Variants in XPR1 observed in about 807,000 individuals in gnomAD.
XPR1 encodes xenotropic and polytropic retrovirus receptor 1.
In XPR1, 28 loss-of-function variants were observed where a neutral mutation model predicts 87.5. That is an observed-to-expected ratio of 0.32 (90% confidence interval 0.24 to 0.44). XPR1 has a LOEUF of 0.44. XPR1 is among the 20% of genes least tolerant of loss of function. The probability of loss-of-function intolerance (pLI) is 1.00; values close to 1 mark genes in which losing one functional copy is unlikely to be tolerated. For synonymous variants in XPR1, 300 were observed against 306.1 expected, an observed-to-expected ratio of 0.98 and a Z score of 0.21; for missense variants, 559 against 862.3, an observed-to-expected ratio of 0.65 and a Z score of 4.41.
intron 1 of XPR1, among the ~76,000 whole-genome samples, chr1:180,665,265 T>C (rs757596383): frequency 1.3e-5 from 2 of 152,086 alleles, no homozygotes; most frequent in Non-Finnish European, 2.9e-5. Flanking sequence ...AAGAACAGCA[T>C]GGGGAAAACC....
chr1:180,705,308 G>C (rs1244525334), intron 2 of XPR1, among the ~76,000 whole-genome samples: 2 of 152,160 alleles, frequency 1.3e-5, no homozygotes, highest in Non-Finnish European at 2.9e-5. Context: ...TGTGTTTACT[G>C]TAAGAGGTGC....
rs1410048455 is a variant in XPR1 at position 180,723,901 on chromosome 1, T to TATATGACC, written c.121+41493_121+41500dup. ...TGAAAACCTTTCTTTTTGGATGTTG[T>TATATGACC]ATATGACCATTAGTGCTTTTCAGTC... On this transcript the variant is annotated intron_variant, in intron 2 of 14. Transcript: ENST00000367590. Among the ~76,000 whole-genome samples, 3 of 152,354 alleles carry TATATGACC rather than the reference T, an allele frequency of 2.0e-5. No individual in the cohort carries two copies. The East Asian group carries it at 5.8e-4, about 29-fold the overall frequency.
intron 2 of XPR1, among the ~76,000 whole-genome samples, chr1:180,752,848 T>TA: frequency 6.6e-6 from 1 of 152,314 alleles, no homozygotes; most frequent in Non-Finnish European, 1.5e-5. Flanking sequence ...CTCAAAATAA[T>TA]AAAGGTCAGG....
intron 2 of XPR1, among the ~76,000 whole-genome samples, chr1:180,697,216 C>A (rs1432755611): frequency 2.0e-5 from 3 of 151,962 alleles, no homozygotes; most frequent in African/African-American, 7.2e-5. Context: ...GTAGGTTGTT[C>A]AGGAACTTAA....
intron 1 of XPR1, among the ~76,000 whole-genome samples, chr1:180,661,777 C>T (rs192622466): frequency 1.2e-3 from 181 of 151,918 alleles, no homozygotes; most frequent in African/African-American, 4.1e-3. Flanking sequence ...CAGGAGGCTG[C>T]GGCAGGAGAA....
At chr1:180,691,326 G>A (rs914595588) in intron 2 of XPR1, among the ~76,000 whole-genome samples, 7 of 152,054 alleles carry the variant, frequency 4.6e-5, no homozygotes, top group Non-Finnish European at 8.8e-5. Context: ...AGGATTTTTT[G>A]ATATATATCT....
intron 2 of XPR1, among the ~76,000 whole-genome samples, chr1:180,685,495 C>G (rs1209299874): frequency 6.6e-6 from 1 of 152,080 alleles, no homozygotes; most frequent in Non-Finnish European, 1.5e-5. Flanking sequence ...ATGATGCTGG[C>G]CTCATAAAAT....
At chr1:180,754,409 G>A (rs1331094820) in intron 2 of XPR1, among the ~76,000 whole-genome samples, 1 of 152,044 alleles carries the variant, frequency 6.6e-6, no homozygotes, top group East Asian at 1.9e-4. Context: ...AATACAGAAT[G>A]ATATGAAACC....
intron 3 of XPR1, among the ~76,000 whole-genome samples, chr1:180,789,520 T>A (rs533513590): frequency 1.9e-4 from 29 of 152,300 alleles, no homozygotes; most frequent in Admixed American, 6.5e-4. Context: ...GTTTCTTGAC[T>A]CTCCCATTTT....
rs1409152802 is a variant in XPR1 at position 180,778,005 on chromosome 1, A to G, written c.122-9748A>G. 3.3e-5 allele frequency among the ~76,000 whole-genome samples: 5 copies of G among 152,178 alleles called. No individual in the cohort carries two copies. In the East Asian group the frequency reaches 9.6e-4, roughly 29 times the overall value. Reference sequence around the variant, plus strand: ...TTTTATTTTAATTTTATTTTTTGAGACAGGGTCTTAGTCTGTCACTCAGGC... The same window carrying G: ...TTTTATTTTAATTTTATTTTTTGAGGCAGGGTCTTAGTCTGTCACTCAGGC... On this transcript the variant is annotated intron_variant, in intron 2 of 14. Transcript: ENST00000367590.
At chr1:180,752,883 A>G (rs577105191) in intron 2 of XPR1, among the ~76,000 whole-genome samples, 23 of 152,360 alleles carry the variant, frequency 1.5e-4, no homozygotes, top group Non-Finnish European at 2.6e-4. Context: ...TTTAGATAAT[A>G]GAATTTAAAA....
rs73034840 is a variant in XPR1, at chr1:180,715,219, T to C, written c.121+32808T>C. Among the ~76,000 whole-genome samples, 1,147 of 152,282 alleles carry C rather than the reference T, an allele frequency of 7.5e-3. 27 individuals are homozygous for C. Among genetic ancestry groups the C allele is most frequent in the African/African-American group, 0.025 (1,053 of 41,548 alleles). ...TTAATGTAAATAAAGTGTTCAGAAATAAGGAAGGTAATTATCTCACACTTC... is the reference window on the plus strand; with the variant it reads ...TTAATGTAAATAAAGTGTTCAGAAACAAGGAAGGTAATTATCTCACACTTC... On this transcript the variant is annotated intron_variant, in intron 2 of 14. Transcript: ENST00000367590.
intron 1 of XPR1, among the ~76,000 whole-genome samples, chr1:180,680,366 T>TTA (rs1457263103): frequency 7.4e-6 from 1 of 135,080 alleles, no homozygotes; most frequent in East Asian, 2.2e-4. Context: ...CCTTTTTTTT[T>TTA]TTTTTTTTTT....
At chr1:180,717,167 A>G (rs1658024219) in intron 2 of XPR1, among the ~76,000 whole-genome samples, 1 of 151,916 alleles carries the variant, frequency 6.6e-6, no homozygotes, top group Non-Finnish European at 1.5e-5. Flanking sequence ...TAATTTTTGT[A>G]TTTTTAGTAG....
At chr1:180,654,055 A>G (rs998860256) in intron 1 of XPR1, among the ~76,000 whole-genome samples, 1 of 152,198 alleles carries the variant, frequency 6.6e-6, no homozygotes, top group African/African-American at 2.4e-5. Flanking sequence ...CCAGTGGTAA[A>G]ATGGGAATTG....
intron 11 of XPR1, among the ~76,000 whole-genome samples, chr1:180,858,847 A>G (rs574665348): frequency 2.9e-4 from 44 of 152,330 alleles, no homozygotes; most frequent in African/African-American, 9.1e-4. Context: ...ACATGTAACT[A>G]AAACACACTA....
chr1:180,775,269 C>T (rs1172390091), intron 2 of XPR1, among the ~76,000 whole-genome samples: 1 of 152,042 alleles, frequency 6.6e-6, no homozygotes, highest in Non-Finnish European at 1.5e-5. Flanking sequence ...CATTGTTTTA[C>T]TCATCTTTGC....
chr1:180,880,440 G>A lies in XPR1; in HGVS notation c.2030+143G>A, dbSNP rs1353281900. 4 of 832,068 alleles carry A rather than the reference G, an allele frequency of 4.8e-6. No homozygotes were observed. In the African/African-American group the frequency reaches 6.8e-5, roughly 14 times the overall value. The allele number at this position is 832,068 out of a possible 1,614,324, so 51.5% of individuals were successfully genotyped here. ...TTCACCTACAAAAAAACAGTAATAAGCAGCAATTCCATATGATACAACCTA... is the reference window on the plus strand; with the variant it reads ...TTCACCTACAAAAAAACAGTAATAAACAGCAATTCCATATGATACAACCTA... On this transcript the variant is annotated intron_variant, in intron 14 of 14. Coordinates refer to ENST00000367590, the MANE Select transcript of XPR1 (RefSeq NM_004736.4).
chr1:180,815,153 T>G (rs1650360547), intron 7 of XPR1, among the ~76,000 whole-genome samples: 1 of 152,084 alleles, frequency 6.6e-6, no homozygotes, highest in Non-Finnish European at 1.5e-5. Flanking sequence ...TGTTTAATTT[T>G]CAAGATGAGC....
Sources: gnomAD v4.1 joint callset for allele counts (sites outside exome capture counted in the v4.1 genomes callset) on GRCh38, gnomAD v4.1.1 for gene constraint, MANE v1.5 for transcripts, NCBI Gene and HGNC (gene_info 2026-07-23, HGNC 2026-07-21) for gene names.